Variants in ENPP6 observed in about 807,000 individuals in gnomAD.
ENPP6 encodes ectonucleotide pyrophosphatase/phosphodiesterase 6.
In ENPP6, 32 loss-of-function variants were observed where a neutral mutation model predicts 42.0. The observed-to-expected ratio is 0.76, with a 90% CI of 0.58 to 1.02. The LOEUF is 1.02. Among genes scored for constraint, ENPP6 ranks in the 50% least tolerant of loss-of-function variants. The probability of loss-of-function intolerance (pLI) is 0.00; values close to 1 mark genes in which losing one functional copy is unlikely to be tolerated. For missense variants in ENPP6, 552 were observed against 566.8 expected (o/e 0.97, Z 0.27); for synonymous variants, 213 against 216.0 (o/e 0.99, Z 0.12).
chr4:184,113,899 TTTTCTTTCTTTC>T (rs70959170), intron 5 of ENPP6, among the ~76,000 whole-genome samples: 2,851 of 103,670 alleles, frequency 0.028, 59 homozygotes, highest in Middle Eastern at 0.055. Context: ...CCTTTCTTTC[TTTTCTTTCTTTC>T]TTTCTTTCTT....
intron 1 of ENPP6, among the ~76,000 whole-genome samples, chr4:184,187,461 T>C (rs1732650199): frequency 6.6e-6 from 1 of 152,240 alleles, no homozygotes; most frequent in African/African-American, 2.4e-5. Context: ...TTTTTTGCTC[T>C]TGCTACACTG....
At position 184,120,687 on chromosome 4, in the gene ENPP6, G is replaced by T. The variant is rs188589955; in HGVS notation, c.534-2787C>A. On this transcript the variant is annotated intron_variant, in intron 3 of 7. Transcript: ENST00000296741. ...TGCTTCCTTTTCAGCCAGGAAAAAG[G>T]GCCGTGTGTGGGGGGCACTGCCTGC... 3.9e-5 allele frequency among the ~76,000 whole-genome samples: 6 copies of T among 152,296 alleles called. No homozygotes were observed. The East Asian group carries it at 7.7e-4, about 20-fold the overall frequency.
intron 2 of ENPP6, among the ~76,000 whole-genome samples, chr4:184,144,150 C>T (rs1243928526): frequency 6.6e-5 from 10 of 152,210 alleles, no homozygotes; most frequent in South Asian, 6.2e-4. Flanking sequence ...GCGTATGATG[C>T]GGAAAGGGTG....
At chr4:184,139,413 A>T in intron 2 of ENPP6, among the ~76,000 whole-genome samples, 1 of 149,828 alleles carries the variant, frequency 6.7e-6, no homozygotes, top group South Asian at 2.1e-4. Context: ...TGTGCAGGTT[A>T]GTTACATATG....
At chr4:184,113,635 A>C (rs1223568793) in intron 5 of ENPP6, among the ~76,000 whole-genome samples, 1 of 152,230 alleles carries the variant, frequency 6.6e-6, no homozygotes, top group Non-Finnish European at 1.5e-5. Flanking sequence ...AAATATTGCA[A>C]AGATCAAAAA....
intron 2 of ENPP6, among the ~76,000 whole-genome samples, chr4:184,148,178 G>A (rs1312389198): frequency 6.6e-6 from 1 of 152,170 alleles, no homozygotes; most frequent in East Asian, 1.9e-4. Context: ...AGGGGGTGCA[G>A]GTGAGGAGGG....
chr4:184,102,562 C>G (rs938695178), intron 6 of ENPP6, among the ~76,000 whole-genome samples: 2 of 152,214 alleles, frequency 1.3e-5, no homozygotes, highest in African/African-American at 4.8e-5. Context: ...CAACAGCTGC[C>G]CAACATCCGG....
chr4:184,131,193 C>CTTTCTTTCTT (rs1560987247), intron 2 of ENPP6, among the ~76,000 whole-genome samples: 3 of 55,368 alleles, frequency 5.4e-5, no homozygotes, highest in African/African-American at 7.6e-5. Context: ...TTCTTTCTTT[C>CTTTCTTTCTT]TTTCTTTCTT....
intron 1 of ENPP6, among the ~76,000 whole-genome samples, chr4:184,156,098 C>T (rs190761386): frequency 3.3e-5 from 5 of 152,242 alleles, no homozygotes; most frequent in South Asian, 2.1e-4. Flanking sequence ...TAAGGTGGAG[C>T]GCTTTCAAGA....
Position 184,112,785 on chromosome 4 carries a change from C to T in ENPP6, c.880G>A (p.Glu294Lys), listed in dbSNP as rs1180392733. The T allele has an allele frequency of 1.3e-5, 21 of 1,613,740 alleles. No homozygotes were observed. Among genetic ancestry groups the T allele is most frequent in the Non-Finnish European group, 1.7e-5 (20 of 1,179,960 alleles). ...SEIYNKLSTVEHMTVYEKEAI... is the reference protein window; with the variant it reads ...SEIYNKLSTVKHMTVYEKEAI... ...TCTTTCTCGTAGACAGTCATGTGTT[C>T]CACTGTGCTCAGTTTGTTATATATC... Residue 294 changes from glutamate to lysine, a missense_variant, in exon 6 of 8, where the codon GAA becomes AAA. Transcript: ENST00000296741.
At chr4:184,141,797 TTTC>T (rs1480321731) in intron 2 of ENPP6, among the ~76,000 whole-genome samples, 3 of 152,198 alleles carry the variant, frequency 2.0e-5, no homozygotes, top group Non-Finnish European at 1.5e-5. Flanking sequence ...TGATAAGGTA[TTTC>T]TTCTTCAAAA....
At chr4:184,197,506 A>T (rs1333577835) in intron 1 of ENPP6, among the ~76,000 whole-genome samples, 4 of 152,214 alleles carry the variant, frequency 2.6e-5, no homozygotes, top group Non-Finnish European at 4.4e-5. Flanking sequence ...CATCTAAGGG[A>T]TGCCAGATGC....
chr4:184,175,569 C>T (rs183590114), intron 1 of ENPP6, among the ~76,000 whole-genome samples: 6 of 152,226 alleles, frequency 3.9e-5, no homozygotes, highest in Non-Finnish European at 5.9e-5. Flanking sequence ...GGAAGAAGCA[C>T]AGCCATCACT....
intron 1 of ENPP6, among the ~76,000 whole-genome samples, chr4:184,166,395 A>T (rs1737347776): frequency 6.6e-6 from 1 of 152,224 alleles, no homozygotes; most frequent in Non-Finnish European, 1.5e-5. Flanking sequence ...ACTTAAAAAT[A>T]AATGCATTGC....
chr4:184,145,597 G>A (rs948095198), intron 2 of ENPP6, among the ~76,000 whole-genome samples: 8 of 152,200 alleles, frequency 5.3e-5, no homozygotes, highest in East Asian at 3.9e-4. Flanking sequence ...GGCACATTCC[G>A]ACTGTGCCCC....
At chr4:184,161,848 A>G (rs935973082) in intron 1 of ENPP6, among the ~76,000 whole-genome samples, 5 of 152,184 alleles carry the variant, frequency 3.3e-5, no homozygotes, top group South Asian at 2.1e-4. Flanking sequence ...GCAAAGGCAT[A>G]AGAAAGATGT....
At chr4:184,209,274 G>A (rs1270214599) in intron 1 of ENPP6, among the ~76,000 whole-genome samples, 11 of 150,288 alleles carry the variant, frequency 7.3e-5, no homozygotes, top group African/African-American at 2.2e-4. Context: ...GGCTTCAGAC[G>A]ATCAAATTAC....
Position 184,112,157 on chromosome 4 carries a change from A to C in ENPP6, c.993+515T>G, listed in dbSNP as rs146855339. Among the ~76,000 whole-genome samples, 5 of 152,338 alleles carry C rather than the reference A, an allele frequency of 3.3e-5. No homozygotes were observed. The East Asian group carries it at 9.6e-4, about 29-fold the overall frequency. ...CCAGAGCTGGATGAGCTTAGAGTCC[A>C]GGCCAACCAGGAGGAGGCTGTGGAG... On this transcript the variant is annotated intron_variant, in intron 6 of 7. Coordinates refer to ENST00000296741, the MANE Select transcript of ENPP6 (RefSeq NM_153343.4).
intron 1 of ENPP6, among the ~76,000 whole-genome samples, chr4:184,204,469 G>A (rs931725795): frequency 1.3e-5 from 2 of 152,184 alleles, no homozygotes; most frequent in Non-Finnish European, 2.9e-5. Context: ...GGCCTGAACC[G>A]TCCTCACAGT....
Sources: allele counts gnomAD v4.1 joint callset (sites outside exome capture counted in the v4.1 genomes callset), GRCh38; gene constraint gnomAD v4.1.1; transcripts MANE v1.5; gene names NCBI Gene and HGNC (gene_info 2026-07-23, HGNC 2026-07-21).